The following FNDC7 variants were observed in gnomAD, a reference collection of about 807,000 sequenced individuals.
The protein encoded by FNDC7 is fibronectin type III domain containing 7.
In FNDC7, 66 loss-of-function variants were observed where a neutral mutation model predicts 74.2. That is an observed-to-expected ratio of 0.89 (90% CI 0.73 to 1.09). FNDC7 has a LOEUF of 1.09. Among genes scored for constraint, FNDC7 ranks in the 50% least tolerant of loss-of-function variants. The pLI is 0.00. For synonymous variants in FNDC7, 307 were observed against 330.2 expected, an observed-to-expected ratio of 0.93 and a Z score of 0.76; for missense variants, 829 against 893.4, an observed-to-expected ratio of 0.93 and a Z score of 0.92.
At position 108,718,849 on chromosome 1, in the gene FNDC7, G is replaced by C; in HGVS notation, c.398G>C (p.Trp133Ser). The C allele has an allele frequency of 6.4e-7, 1 of 1,551,810 alleles. No homozygotes were observed. The highest frequency in any genetic ancestry group is 8.7e-7 in the Non-Finnish European group (1 of 1,147,026). The change falls in exon 4 of 13, where the codon TGG (tryptophan) becomes TCG (serine). Residue 133 changes from tryptophan to serine, a missense_variant. Transcript: ENST00000370017. Reference protein sequence around the residue: ...SPSSDSILVQWEAVYMAIAFS... With the variant: ...SPSSDSILVQSEAVYMAIAFS... Reference sequence around the variant, plus strand: ...AGTTCAGACTCCATTCTTGTGCAGTGGGAAGCTGTATATATGGCAATTGCA... The same window carrying C: ...AGTTCAGACTCCATTCTTGTGCAGTCGGAAGCTGTATATATGGCAATTGCA...
At chr1:108,720,563 A>C (rs1570725916) in intron 4 of FNDC7, among the ~76,000 whole-genome samples, 1 of 152,168 alleles carries the variant, frequency 6.6e-6, no homozygotes, top group South Asian at 2.1e-4. Context: ...TGGAACCACA[A>C]ACTGGGTGAC....
At chr1:108,720,373 G>T (rs1661069283) in intron 4 of FNDC7, among the ~76,000 whole-genome samples, 1 of 152,174 alleles carries the variant, frequency 6.6e-6, no homozygotes, top group African/African-American at 2.4e-5. Context: ...CCAGTGCTTT[G>T]GCAGAAGGCT....
chr1:108,732,395 A>G (rs1661408372), intron 9 of FNDC7, among the ~76,000 whole-genome samples: 3 of 151,820 alleles, frequency 2.0e-5, no homozygotes, highest in South Asian at 4.2e-4. Context: ...AGCGTGGACC[A>G]GCAAACTTGG....
At chr1:108,717,108 G>A (rs748203985) in intron 2 of FNDC7, among the ~76,000 whole-genome samples, 11 of 152,212 alleles carry the variant, frequency 7.2e-5, no homozygotes, top group Non-Finnish European at 1.3e-4. Flanking sequence ...CAGATATTGT[G>A]ATAGAGAAAG....
chr1:108,724,889 T>C (rs995757606), intron 5 of FNDC7, among the ~76,000 whole-genome samples: 2 of 152,008 alleles, frequency 1.3e-5, no homozygotes, highest in African/African-American at 4.8e-5. Flanking sequence ...AAGACCAGCC[T>C]GGCCAACATG....
At chr1:108,726,703 A>G (rs1373855232) in intron 6 of FNDC7, among the ~76,000 whole-genome samples, 1 of 152,148 alleles carries the variant, frequency 6.6e-6, no homozygotes, top group Non-Finnish European at 1.5e-5. Context: ...TGTGATCAGC[A>G]TATGGGAGAT....
At chr1:108,741,627 T>TG in intron 11 of FNDC7, 146 bp from the exon 12 acceptor site, 2 of 803,604 alleles carry the variant, frequency 2.5e-6, no homozygotes, top group Non-Finnish European at 4.1e-6. Context: ...TCAGTTGTCA[T>TG]AGTTTCATGT....
intron 5 of FNDC7, 59 bp downstream of exon 5, chr1:108,722,651 A>G (rs1449841002): frequency 6.7e-7 from 1 of 1,500,106 alleles, no homozygotes; most frequent in Non-Finnish European, 9.0e-7. Context: ...TGTAAGGGAG[A>G]CGTTCACTGA....
At chr1:108,737,436 A>AT (rs2101091171) in intron 10 of FNDC7, 59 bp from the exon 11 acceptor site, 3 of 1,401,740 alleles carry the variant, frequency 2.1e-6, no homozygotes, top group Non-Finnish European at 2.9e-6. Flanking sequence ...TTAAATCTTC[A>AT]CTATCTTAAA....
intron 5 of FNDC7, among the ~76,000 whole-genome samples, chr1:108,725,063 C>A (rs907583831): frequency 6.6e-6 from 1 of 151,270 alleles, no homozygotes; most frequent in Non-Finnish European, 1.5e-5. Flanking sequence ...CCTGGGCAAC[C>A]GAGTGAGACT....
chr1:108,732,624 C>T (rs559421691), intron 9 of FNDC7, among the ~76,000 whole-genome samples: 13 of 152,290 alleles, frequency 8.5e-5, no homozygotes, highest in African/African-American at 2.9e-4. Flanking sequence ...AATTTTTGGA[C>T]CTTTCTGACT....
At chr1:108,737,429 A>C in intron 10 of FNDC7, 66 bp from the exon 11 acceptor site, 1 of 1,380,520 alleles carries the variant, frequency 7.2e-7, no homozygotes, top group Middle Eastern at 2.1e-4. Flanking sequence ...TCTTAAGTTA[A>C]ATCTTCACTA....
chr1:108,741,931 C>G lies in FNDC7; in HGVS notation c.*44C>G. 1 of 971,384 alleles carries G rather than the reference C, an allele frequency of 1.0e-6. No individual in the cohort carries two copies. The highest frequency in any genetic ancestry group is 1.6e-6 in the Non-Finnish European group (1 of 629,464). 60.2% of individuals were successfully genotyped at this position (971,384 alleles called of 1,614,324 possible). ...TTTCCCATTTGTCTTGCAGAGTTGT[C>G]TCATTTGTTAGTGATTAGAGATGGA... On this transcript the variant is annotated 3_prime_UTR_variant, in exon 13 of 13. Coordinates refer to ENST00000370017, the MANE Select transcript of FNDC7 (RefSeq NM_001144937.3).
intron 8 of FNDC7, among the ~76,000 whole-genome samples, chr1:108,729,870 A>G (rs1328111593): frequency 1.3e-5 from 2 of 152,244 alleles, no homozygotes; most frequent in Non-Finnish European, 1.5e-5. Context: ...AAAATACTGC[A>G]TACGTGAAGA....
Position 108,717,989 on chromosome 1 carries a change from G to A in FNDC7, c.295G>A (p.Ala99Thr), listed in dbSNP as rs1216617035. ...YEITIRSISA[A>T]GRSQASPPKQ... Reference sequence around the variant, plus strand: ...AATCACCATCAGATCCATCAGCGCTGCTGGGAGAAGCCAGGCGTCACCTCC... The same window carrying A: ...AATCACCATCAGATCCATCAGCGCTACTGGGAGAAGCCAGGCGTCACCTCC... The change falls in exon 3 of 13, where the codon GCT becomes ACT. Residue 99 changes from alanine (A) to threonine (T), a missense_variant. Transcript: ENST00000370017. 6.4e-7 allele frequency: 1 copy of A among 1,551,622 alleles called. No homozygotes were observed. Among genetic ancestry groups the A allele is most frequent in the African/African-American group, 1.4e-5 (1 of 73,044 alleles).
intron 5 of FNDC7, among the ~76,000 whole-genome samples, chr1:108,725,267 A>T (rs978989563): frequency 4.6e-5 from 7 of 152,146 alleles, no homozygotes; most frequent in East Asian, 3.9e-4. Flanking sequence ...TTGTAAAATG[A>T]TGATAGTTGC....
In FNDC7 at chr1:108,713,122, T is replaced by TA. The variant is rs1371909407; in HGVS notation, c.63+127dup. 787 of 839,928 alleles carry TA rather than the reference T, an allele frequency of 9.4e-4. 2 individuals are homozygous for TA. In the African/African-American group the frequency reaches 0.012, roughly 13 times the overall value. The allele number at this position is 839,928 out of a possible 1,614,324, so 52.0% of individuals were successfully genotyped here. A position where few individuals can be genotyped will look rare whatever the true frequency, so the allele number is the denominator to read the frequency against. ...ATAGAAATCAGAATACTTTGGTTTG[T>TA]ACCGAGGTTGTATATGTTTGCGTGT... On this transcript the variant is annotated intron_variant, in intron 1 of 12. Transcript: ENST00000370017.
chr1:108,740,919 G>A (rs1031997510), intron 11 of FNDC7, among the ~76,000 whole-genome samples: 7 of 152,132 alleles, frequency 4.6e-5, no homozygotes, highest in Non-Finnish European at 8.8e-5. Flanking sequence ...TACTTCTAAC[G>A]AAGACATTTG....
At chr1:108,732,079 G>A (rs1661368158) in intron 9 of FNDC7, among the ~76,000 whole-genome samples, 1 of 152,124 alleles carries the variant, frequency 6.6e-6, no homozygotes, top group Non-Finnish European at 1.5e-5. Context: ...CTAATCAGTG[G>A]CCTGGCGCGG....
Sources: gnomAD v4.1 joint callset for allele counts (sites outside exome capture counted in the v4.1 genomes callset) on GRCh38, gnomAD v4.1.1 for gene constraint, MANE v1.5 for transcripts, NCBI Gene and HGNC (gene_info 2026-07-23, HGNC 2026-07-21) for gene names.